ELP4: variants seen among roughly 807,000 people sequenced by gnomAD.
ELP4 encodes elongator acetyltransferase complex subunit 4, also known as elongator complex protein 4.
In ELP4, 51 loss-of-function variants were observed where a neutral mutation model predicts 48.9. The observed-to-expected ratio is 1.04, with a 90% CI of 0.83 to 1.32. The LOEUF (loss-of-function observed/expected upper bound fraction) is 1.32, where lower values mean the gene tolerates loss of function less well. Among genes scored for constraint, ELP4 ranks in the 40% most tolerant of loss-of-function variants. The probability of loss-of-function intolerance (pLI) is 0.00; values close to 1 mark genes in which losing one functional copy is unlikely to be tolerated. For synonymous variants in ELP4, 210 were observed against 189.2 expected, an observed-to-expected ratio of 1.11 and a Z score of -0.90; for missense variants, 519 against 514.6, an observed-to-expected ratio of 1.01 and a Z score of -0.08.
intron 3 of ELP4, among the ~76,000 whole-genome samples, chr11:31,570,593 A>G (rs1331869118): frequency 6.7e-6 from 1 of 149,798 alleles, no homozygotes; most frequent in Non-Finnish European, 1.5e-5. Context: ...TCAGCCTACC[A>G]AGTAGCTGGG....
At chr11:31,583,115 C>CTGT (rs1957416985) in intron 3 of ELP4, among the ~76,000 whole-genome samples, 1 of 152,104 alleles carries the variant, frequency 6.6e-6, no homozygotes, top group Admixed American at 6.5e-5. Context: ...AGTAAAGGAT[C>CTGT]TGTAGGTCTT....
intron 9 of ELP4, among the ~76,000 whole-genome samples, chr11:31,778,986 C>T (rs1352683674): frequency 2.0e-5 from 3 of 152,074 alleles, no homozygotes; most frequent in Non-Finnish European, 4.4e-5. Context: ...GTGGGGATTA[C>T]AGGTGTGAGC....
At chr11:31,574,505 C>T (rs1485963660) in intron 3 of ELP4, among the ~76,000 whole-genome samples, 1 of 152,246 alleles carries the variant, frequency 6.6e-6, no homozygotes, top group Non-Finnish European at 1.5e-5. Context: ...TCCCTGACCC[C>T]TGAGTAACCT....
chr11:31,769,645 A>G (rs1948098885), intron 9 of ELP4, among the ~76,000 whole-genome samples: 1 of 152,194 alleles, frequency 6.6e-6, no homozygotes, highest in Non-Finnish European at 1.5e-5. Context: ...TCAAATGTGC[A>G]CACACATTTA....
chr11:31,514,432 C>G (rs570790746), intron 1 of ELP4, among the ~76,000 whole-genome samples: 1 of 152,292 alleles, frequency 6.6e-6, no homozygotes, highest in South Asian at 2.1e-4. Context: ...ATACTCCAGC[C>G]TGGGTGACAG....
rs1010675568 is a variant in ELP4, at chr11:31,787,519, C to T, written c.*3995C>T. 4.3e-6 allele frequency: 1 copy of T among 233,026 alleles called. No individual in the cohort carries two copies. Among genetic ancestry groups the T allele is most frequent in the Non-Finnish European group, 8.5e-6 (1 of 117,868 alleles). The allele number at this position is 233,026 out of a possible 1,614,324, so 14.4% of individuals were successfully genotyped here. A position where few individuals can be genotyped will look rare whatever the true frequency, so the allele number is the denominator to read the frequency against. Reference sequence around the variant, plus strand: ...CTGTGGCATGCACTCCCACATAGCCCTTCTCTGACAGTTCCCTCAGCACAC... The same window carrying T: ...CTGTGGCATGCACTCCCACATAGCCTTTCTCTGACAGTTCCCTCAGCACAC... On this transcript the variant is annotated 3_prime_UTR_variant, in exon 10 of 10. Transcript: ENST00000640961.
At chr11:31,723,067 C>G (rs1158532519) in intron 9 of ELP4, among the ~76,000 whole-genome samples, 1 of 152,168 alleles carries the variant, frequency 6.6e-6, no homozygotes, top group African/African-American at 2.4e-5. Context: ...CCCAGTCACC[C>G]ACCAAAGTCC....
At position 31,746,684 on chromosome 11, in the gene ELP4, A is replaced by T. The variant is rs537200801; in HGVS notation, c.1144-36709A>T. On this transcript the variant is annotated intron_variant, in intron 9 of 9. Transcript: ENST00000640961. ...GTTCTCACTCATAGGTGGGAATTGA[A>T]CAGTGAGAACACATGGACACAGGAA... Among the ~76,000 whole-genome samples, 1,145 of 152,262 alleles carry T rather than the reference A, an allele frequency of 7.5e-3. 20 individuals carry two copies. The highest frequency in any genetic ancestry group is 0.026 in the African/African-American group (1,082 of 41,528).
At chr11:31,692,961 C>G (rs1946311918) in intron 9 of ELP4, among the ~76,000 whole-genome samples, 1 of 152,058 alleles carries the variant, frequency 6.6e-6, no homozygotes, top group Non-Finnish European at 1.5e-5. Context: ...CTTTTATCAT[C>G]CCCTACTTAA....
At chr11:31,732,167 G>A (rs1429096180) in intron 9 of ELP4, among the ~76,000 whole-genome samples, 13 of 152,078 alleles carry the variant, frequency 8.5e-5, no homozygotes. Flanking sequence ...CTGTAACACT[G>A]TAATAGTAGT....
intron 2 of ELP4, among the ~76,000 whole-genome samples, chr11:31,533,071 C>T (rs866566699): frequency 1.3e-5 from 2 of 152,062 alleles, no homozygotes; most frequent in Admixed American, 1.3e-4. Flanking sequence ...CCACTGTGCC[C>T]GGCCACAAGT....
intron 8 of ELP4, chr11:31,649,182 T>C (rs1945269481): frequency 1.3e-5 from 2 of 151,716 alleles, no homozygotes; most frequent in South Asian, 2.1e-4. Context: ...AATAGATGCA[T>C]TATTAAGCAT....
chr11:31,585,227 T>A (rs569378435), intron 3 of ELP4, among the ~76,000 whole-genome samples: 1 of 152,166 alleles, frequency 6.6e-6, no homozygotes, highest in Admixed American at 6.6e-5. Flanking sequence ...AGAAATTAAT[T>A]AGGATAATCT....
rs142942889 is a variant in ELP4 at position 31,615,462 on chromosome 11, GTTA to G, written c.653+11561_653+11563del. On this transcript the variant is annotated intron_variant, in intron 5 of 9. Coordinates refer to ENST00000640961, the MANE Select transcript of ELP4 (RefSeq NM_019040.5). ...TTAATGAATTTTAGCCATCATAATT[GTTA>G]TTATTTCTGTTTATATTTTGAAATT... 8.1e-3 allele frequency among the ~76,000 whole-genome samples: 1,228 copies of G among 151,782 alleles called. 15 individuals carry two copies. Among genetic ancestry groups the G allele is most frequent in the Middle Eastern group, 0.031 (9 of 294 alleles).
chr11:31,697,288 A>G (rs184084493), intron 9 of ELP4, among the ~76,000 whole-genome samples: 2 of 152,300 alleles, frequency 1.3e-5, no homozygotes, highest in Admixed American at 1.3e-4. Flanking sequence ...CATTTCCAGT[A>G]GGATAATAAT....
intron 2 of ELP4, among the ~76,000 whole-genome samples, chr11:31,535,833 C>T (rs1405951260): frequency 6.6e-6 from 1 of 152,172 alleles, no homozygotes; most frequent in Non-Finnish European, 1.5e-5. Context: ...CGTGTAACTG[C>T]AGTTTTGCCA....
chr11:31,533,168 G>A (rs905563813), intron 2 of ELP4, among the ~76,000 whole-genome samples: 7 of 151,998 alleles, frequency 4.6e-5, no homozygotes. Context: ...GTACCCAATA[G>A]GTAGTTTTTA....
intron 5 of ELP4, among the ~76,000 whole-genome samples, chr11:31,622,434 T>C (rs1256032901): frequency 2.0e-5 from 3 of 151,742 alleles, no homozygotes; most frequent in East Asian, 3.9e-4. Context: ...AAGTGTTCCT[T>C]TGTTTATTGT....
intron 3 of ELP4, among the ~76,000 whole-genome samples, chr11:31,565,588 A>G (rs1957097491): frequency 6.8e-6 from 1 of 146,692 alleles, no homozygotes. Context: ...AGCTTTCTAC[A>G]TATGGCTAGC....
Sources: gnomAD v4.1 joint callset for allele counts (sites outside exome capture counted in the v4.1 genomes callset) on GRCh38, gnomAD v4.1.1 for gene constraint, MANE v1.5 for transcripts, NCBI Gene and HGNC (gene_info 2026-07-23, HGNC 2026-07-21) for gene names.